Variants in TBC1D2B observed in about 807,000 individuals in gnomAD.
TBC1D2B encodes TBC1 domain family, member 2B.
Under a neutral mutation model 100.8 loss-of-function variants are expected in TBC1D2B, and 64 were observed. That is an observed-to-expected ratio of 0.64 (90% CI 0.52 to 0.78). TBC1D2B has a LOEUF of 0.78. Ranked by LOEUF, TBC1D2B falls within the 30% of genes least tolerant of loss-of-function variation. The pLI, the probability that TBC1D2B is intolerant of heterozygous loss-of-function variation, is 0.00. For synonymous variants in TBC1D2B, 480 were observed against 479.7 expected, an observed-to-expected ratio of 1.00 and a Z score of -0.01; for missense variants, 1,052 against 1,218.4, an observed-to-expected ratio of 0.86 and a Z score of 2.03.
At chr15:78,040,446 G>T (rs1217293872) in intron 3 of TBC1D2B, among the ~76,000 whole-genome samples, 1 of 151,886 alleles carries the variant, frequency 6.6e-6, no homozygotes, top group Non-Finnish European at 1.5e-5. Flanking sequence ...CTACTCGGGG[G>T]GCTGAGGTGT....
At chr15:78,045,878 T>G (rs1164099994) in intron 2 of TBC1D2B, among the ~76,000 whole-genome samples, 1 of 152,230 alleles carries the variant, frequency 6.6e-6, no homozygotes, top group African/African-American at 2.4e-5. Context: ...ATGTTTAAAA[T>G]TTCCCATAAT....
chr15:78,077,142 AG>A, intron 1 of TBC1D2B, 150 bp downstream of exon 1: 1 of 1,105,732 alleles, frequency 9.0e-7, no homozygotes, highest in Non-Finnish European at 1.2e-6. Context: ...GATAGGAACG[AG>A]GGCGGGATGT....
chr15:78,069,241 T>G (rs141199720), intron 1 of TBC1D2B, among the ~76,000 whole-genome samples: 14 of 152,244 alleles, frequency 9.2e-5, no homozygotes, highest in Non-Finnish European at 1.6e-4. Context: ...GCAAAGCAAG[T>G]GCAGCAGGAG....
chr15:78,076,269 G>A (rs940945791), intron 1 of TBC1D2B, among the ~76,000 whole-genome samples: 4 of 152,186 alleles, frequency 2.6e-5, no homozygotes, highest in African/African-American at 7.2e-5. Context: ...GATTAAGGGA[G>A]CCTCAAAGGA....
At chr15:77,998,606 A>AC (rs1674740922) in intron 12 of TBC1D2B, 2 of 447,252 alleles carry the variant, frequency 4.5e-6, no homozygotes, top group Admixed American at 4.0e-5. Flanking sequence ...GACTGAAGTC[A>AC]CCCCCCTTTT....
At chr15:78,046,482 T>C (rs995363634) in intron 2 of TBC1D2B, among the ~76,000 whole-genome samples, 7 of 152,156 alleles carry the variant, frequency 4.6e-5, no homozygotes, top group Non-Finnish European at 8.8e-5. Context: ...ACCACTGATA[T>C]TCAAGAAAAA....
rs776910594 is a variant in TBC1D2B, at chr15:78,024,193, G to A, written c.1433C>T (p.Pro478Leu). 3.7e-6 allele frequency: 6 copies of A among 1,613,642 alleles called. No individual in the cohort carries two copies. Among genetic ancestry groups the A allele is most frequent in the Non-Finnish European group, 4.2e-6 (5 of 1,179,852 alleles). The change falls in exon 6 of 13, where the codon CCT becomes CTT. Residue 478 changes from proline to leucine, a missense_variant. By Grantham distance (98) the Pro-to-Leu change is moderately conservative. Transcript: ENST00000300584. ...CAGTTCCAGCTGGTCCCTGGCAACA[G>A]GCACAACCGAAGGGGAGCTGGGCGC... ...TVAPSSPSVV[P>L]VARDQLELDR...
intron 12 of TBC1D2B, among the ~76,000 whole-genome samples, 168 bp downstream of exon 12, chr15:78,001,451 T>C (rs536320919): frequency 9.9e-5 from 15 of 152,210 alleles, no homozygotes; most frequent in Non-Finnish European, 1.8e-4. Context: ...GTAAGGCTAC[T>C]TGGGGCTCAC....
chr15:78,041,145 C>T (rs535031357), intron 3 of TBC1D2B, among the ~76,000 whole-genome samples: 3 of 152,338 alleles, frequency 2.0e-5, no homozygotes, highest in South Asian at 2.1e-4. Context: ...ATGTCACCCA[C>T]ATCCTCACAG....
chr15:78,061,741 C>T (rs2073550606), intron 1 of TBC1D2B, among the ~76,000 whole-genome samples: 1 of 150,330 alleles, frequency 6.7e-6, no homozygotes, highest in Non-Finnish European at 1.5e-5. Context: ...TAATAAAAAC[C>T]ATTAAATGAA....
intron 2 of TBC1D2B, among the ~76,000 whole-genome samples, chr15:78,051,372 C>T (rs1401393016): frequency 6.6e-6 from 1 of 152,160 alleles, no homozygotes; most frequent in Non-Finnish European, 1.5e-5. Context: ...GGTGAACAAA[C>T]TTCAATTCCC....
intron 6 of TBC1D2B, among the ~76,000 whole-genome samples, chr15:78,020,846 A>G (rs1266129982): frequency 2.0e-5 from 3 of 152,230 alleles, no homozygotes; most frequent in Non-Finnish European, 1.5e-5. Flanking sequence ...GAGCTGGAAG[A>G]AGGAGAAGCT....
chr15:78,031,554 C>CTAAAAAAAAA (rs2072811627), intron 3 of TBC1D2B, among the ~76,000 whole-genome samples: 1 of 54,910 alleles, frequency 1.8e-5, no homozygotes, highest in Non-Finnish European at 3.1e-5. Context: ...ACTCTGTCTC[C>CTAAAAAAAAA]AAAAAAAAAA....
intron 6 of TBC1D2B, among the ~76,000 whole-genome samples, chr15:78,018,918 T>G (rs2072443846): frequency 6.6e-6 from 1 of 152,166 alleles, no homozygotes. Flanking sequence ...AATTTAGTCT[T>G]TTATAAATGT....
intron 12 of TBC1D2B, among the ~76,000 whole-genome samples, chr15:77,999,672 C>A (rs1407948395): frequency 6.6e-6 from 1 of 152,234 alleles, no homozygotes; most frequent in Non-Finnish European, 1.5e-5. Context: ...TCACAGCCCC[C>A]ACAAACCCCA....
chr15:78,014,562 C>A (rs2072319287), intron 8 of TBC1D2B, among the ~76,000 whole-genome samples: 1 of 152,202 alleles, frequency 6.6e-6, no homozygotes, highest in Non-Finnish European at 1.5e-5. Context: ...GGAATAAAGA[C>A]ACCATGGTAG....
intron 3 of TBC1D2B, among the ~76,000 whole-genome samples, chr15:78,039,502 G>A (rs1329710073): frequency 6.6e-6 from 1 of 152,138 alleles, no homozygotes; most frequent in Admixed American, 6.5e-5. Flanking sequence ...GGAAGGATGA[G>A]CACACCTTCC....
chr15:78,063,767 AG>A (rs1171692373), intron 1 of TBC1D2B, among the ~76,000 whole-genome samples: 1 of 152,184 alleles, frequency 6.6e-6, no homozygotes, highest in Non-Finnish European at 1.5e-5. Context: ...CTGATATAAT[AG>A]AATCGCCAGG....
intron 1 of TBC1D2B, among the ~76,000 whole-genome samples, chr15:78,066,742 A>C (rs1336361051): frequency 6.6e-6 from 1 of 152,262 alleles, no homozygotes; most frequent in African/African-American, 2.4e-5. Flanking sequence ...GCCAGAGGGT[A>C]TGCCTTACAG....
Sources: gnomAD v4.1 joint callset for allele counts (sites outside exome capture counted in the v4.1 genomes callset) on GRCh38, gnomAD v4.1.1 for gene constraint, MANE v1.5 for transcripts, NCBI Gene and HGNC (gene_info 2026-07-23, HGNC 2026-07-21) for gene names.